The following VDR variants were observed in gnomAD, a reference collection of about 807,000 sequenced individuals.
VDR encodes the protein vitamin D3 receptor.
Under a neutral mutation model 39.7 loss-of-function variants are expected in VDR, and 19 were observed. The ratio of observed to expected loss-of-function variants is 0.48; its 90% confidence interval spans 0.33 to 0.70. VDR has a LOEUF of 0.70. VDR is among the 30% of genes least tolerant of loss of function. VDR has a pLI of 0.02. For missense variants in VDR, 442 were observed against 570.5 expected (o/e 0.77, Z 2.29); for synonymous variants, 242 against 215.8 (o/e 1.12, Z -1.07).
chr12:47,853,626 G>A (rs543258797), intron 7 of VDR, among the ~76,000 whole-genome samples: 1 of 151,994 alleles, frequency 6.6e-6, no homozygotes, highest in Non-Finnish European at 1.5e-5. Context: ...GTGGTGGTGC[G>A]TGCCTGTAAT....
chr12:47,878,957 G>A lies in VDR; in HGVS notation c.146+11C>T. 1 of 1,614,172 alleles carries A rather than the reference G, an allele frequency of 6.2e-7. No homozygotes were observed. The highest frequency in any genetic ancestry group is 2.2e-5 in the East Asian group (1 of 44,884). Reference sequence around the variant, plus strand: ...CCTTTCCACTGGGGAGAGCCTGGGAGGAGGGCTCACCTGAAGAAGCCTTTG... The same window carrying A: ...CCTTTCCACTGGGGAGAGCCTGGGAAGAGGGCTCACCTGAAGAAGCCTTTG... On this transcript the variant is annotated intron_variant, in intron 3 of 9. Coordinates refer to ENST00000549336, the MANE Select transcript of VDR (RefSeq NM_000376.3).
rs745426083 is a variant in VDR, at chr12:47,879,000, A to G, written c.114T>C (p.Ala38=). The G allele has an allele frequency of 7.5e-5, 121 of 1,614,096 alleles. No individual in the cohort carries two copies. Among genetic ancestry groups the G allele is most frequent in the Non-Finnish European group, 9.2e-5 (108 of 1,180,042 alleles). Residue 38 remains alanine, a synonymous_variant, in exon 3 of 10, where the codon GCT becomes GCC. Transcript: ENST00000549336. ...AGCCTTTGCAGCCTTCACAGGTCAT[A>G]GCATTGAAGTGAAAGCCAGTGGCTC... is the stretch of plus-strand genomic sequence containing the variant. The part of the protein sequence containing the change: ...GDRATGFHFN[A]MTCEGCKGFF...
chr12:47,870,017 G>A (rs79417228), intron 3 of VDR, among the ~76,000 whole-genome samples: 21 of 152,288 alleles, frequency 1.4e-4, no homozygotes, highest in Middle Eastern at 3.4e-3. Flanking sequence ...ACACCATTAC[G>A]CTCTGGAGCG....
At chr12:47,857,730 T>C in intron 4 of VDR, 42 bp from the exon 5 acceptor site, 1 of 1,602,798 alleles carries the variant, frequency 6.2e-7, no homozygotes, top group Non-Finnish European at 8.5e-7. Flanking sequence ...GGCCAGCAGC[T>C]CCTCCAGGAA....
At chr12:47,885,871 T>A (rs927489794) in intron 1 of VDR, among the ~76,000 whole-genome samples, 1 of 152,142 alleles carries the variant, frequency 6.6e-6, no homozygotes, top group African/African-American at 2.4e-5. Flanking sequence ...AGACCTTAAA[T>A]GAGATGAAGC....
intron 2 of VDR, among the ~76,000 whole-genome samples, chr12:47,881,982 G>A (rs140672908): frequency 4.9e-4 from 74 of 152,244 alleles, no homozygotes; most frequent in South Asian, 6.2e-4. Flanking sequence ...GGTGGATTTC[G>A]TGGAAAACAG....
rs137900268 is a variant in VDR at position 47,844,948 on chromosome 12, T to C, written c.1082A>G (p.Asn361Ser). The change falls in exon 10 of 10, where the codon AAC becomes AGC. Residue 361 changes from asparagine (N) to serine (S), a missense_variant. By Grantham distance (46) the Asn-to-Ser change is conservative (BLOSUM62 1). Transcript: ENST00000549336. ...LIEAIQDRLSNTLQTYIRCRH... is the reference protein window; with the variant it reads ...LIEAIQDRLSSTLQTYIRCRH... ...GCAGCGGATGTACGTCTGCAGTGTG[T>C]TGGACAGGCGGTCCTGGATGGCCTC... is the stretch of plus-strand genomic sequence containing the variant. 50 of 1,613,878 alleles carry C rather than the reference T, an allele frequency of 3.1e-5. No homozygotes were observed. The African/African-American group carries it at 6.5e-4, about 21-fold the overall frequency.
chr12:47,841,699 G>A lies in VDR; in HGVS notation c.*3047C>T, dbSNP rs1314973101. ...CTTTGGAAATCATTCAGCAGGCACT[G>A]TTTACATCCTTTCGCTGCCATATCT... is the stretch of plus-strand genomic sequence containing the variant. On this transcript the variant is annotated 3_prime_UTR_variant, in exon 10 of 10. Coordinates refer to ENST00000549336, the MANE Select transcript of VDR (RefSeq NM_000376.3). 6.6e-6 allele frequency: 1 copy of A among 152,296 alleles called. No homozygotes were observed. Among genetic ancestry groups the A allele is most frequent in the Non-Finnish European group, 1.5e-5 (1 of 68,040 alleles). The allele number at this position is 152,296 out of a possible 1,614,324, so 9.4% of individuals were successfully genotyped here.
intron 4 of VDR, among the ~76,000 whole-genome samples, chr12:47,860,124 T>C (rs1945597337): frequency 6.6e-6 from 1 of 151,952 alleles, no homozygotes; most frequent in African/African-American, 2.4e-5. Context: ...CCACCATGCC[T>C]GGCCAATTTT....
Position 47,844,867 on chromosome 12 carries a change from G to A in VDR, c.1163C>T (p.Ala388Val). The A allele has an allele frequency of 6.2e-7, 1 of 1,614,172 alleles. No homozygotes were observed. The highest frequency in any genetic ancestry group is 8.5e-7 in the Non-Finnish European group (1 of 1,180,012). ...CTCCTCATTGAGGCTGCGCAGGTCG[G>A]CTAGCTTCTGGATCATCTTGGCATA... ...LLYAKMIQKL[A>V]DLRSLNEEHS... The change falls in exon 10 of 10, where the codon GCC becomes GTC. Residue 388 changes from alanine (A) to valine (V), a missense_variant. This residue lies in a region of VDR where 173 missense variants were observed against 252.0 expected (regional missense o/e 0.69). Coordinates refer to ENST00000549336, the MANE Select transcript of VDR (RefSeq NM_000376.3).
chr12:47,891,860 G>A (rs1026076789), intron 1 of VDR, among the ~76,000 whole-genome samples: 1 of 152,114 alleles, frequency 6.6e-6, no homozygotes, highest in African/African-American at 2.4e-5. Context: ...GGATGCCGAT[G>A]CCCCGCTGTC....
chr12:47,872,786 G>A (rs766702515), intron 3 of VDR, among the ~76,000 whole-genome samples: 2 of 152,190 alleles, frequency 1.3e-5, no homozygotes, highest in Non-Finnish European at 2.9e-5. Context: ...AGAAAAGGAA[G>A]AAAGGACCAT....
intron 9 of VDR, among the ~76,000 whole-genome samples, chr12:47,845,897 G>T (rs930417065): frequency 6.6e-6 from 1 of 152,228 alleles, no homozygotes; most frequent in African/African-American, 2.4e-5. Context: ...GAGGTCAAGG[G>T]TCACTGCACA....
chr12:47,846,948 G>A (rs182898084), intron 7 of VDR, 140 bp from the exon 8 acceptor site: 296 of 972,066 alleles, frequency 3.0e-4, no homozygotes, highest in Non-Finnish European at 3.8e-4. Context: ...CTTGCAGGCT[G>A]GCTGGAAGGG....
intron 7 of VDR, among the ~76,000 whole-genome samples, chr12:47,853,421 C>T (rs867355363): frequency 8.9e-5 from 12 of 135,062 alleles, no homozygotes; most frequent in Middle Eastern, 0.011. Flanking sequence ...CCAGCCTAGG[C>T]GACAGAGCGA....
intron 3 of VDR, among the ~76,000 whole-genome samples, chr12:47,871,358 C>CTTTCTTTCTTTCTTTCTTTCTTT (rs1555153491): frequency 1.8e-5 from 2 of 112,918 alleles, no homozygotes; most frequent in African/African-American, 6.6e-5. Context: ...TTCTTTCTTT[C>CTTTCTTTCTTTCTTTCTTTCTTT]CTTTCTCTCT....
chr12:47,845,017 G>C lies in VDR; in HGVS notation c.1025-12C>G. On this transcript the variant is annotated splice_polypyrimidine_tract_variant and intron_variant, in intron 9 of 9. Transcript: ENST00000549336. ...CACCCCAGGACGATCTGTGGGCACG[G>C]GGATAGAGAAGAAGGCACAGGAGCT... 1 of 1,610,300 alleles carries C rather than the reference G, an allele frequency of 6.2e-7. No homozygotes were observed. Among genetic ancestry groups the C allele is most frequent in the Non-Finnish European group, 8.5e-7 (1 of 1,179,876 alleles).
chr12:47,862,370 C>T (rs1945644656), intron 4 of VDR, among the ~76,000 whole-genome samples: 1 of 152,196 alleles, frequency 6.6e-6, no homozygotes, highest in Non-Finnish European at 1.5e-5. Flanking sequence ...GGCCCACAAG[C>T]CTGCCCTTTG....
chr12:47,858,462 G>T (rs1031326939), intron 4 of VDR, among the ~76,000 whole-genome samples: 3 of 152,238 alleles, frequency 2.0e-5, no homozygotes, highest in Non-Finnish European at 4.4e-5. Context: ...CCTCTTGAAG[G>T]CCCCAAAGGG....
Sources: gnomAD v4.1 joint callset for allele counts (sites outside exome capture counted in the v4.1 genomes callset) on GRCh38, gnomAD v4.1.1 for gene constraint, gnomAD v4.1.1 regional missense constraint, MANE v1.5 for transcripts, NCBI Gene and HGNC (gene_info 2026-07-23, HGNC 2026-07-21) for gene names.